EDIL3: variants seen among roughly 807,000 people sequenced by gnomAD.
The protein encoded by EDIL3 is EGF like and discoidin domains 3.
Under a neutral mutation model 67.4 loss-of-function variants are expected in EDIL3, and 37 were observed. The ratio of observed to expected loss-of-function variants is 0.55; its 90% CI spans 0.42 to 0.72. EDIL3 has a LOEUF of 0.72. Ranked by LOEUF, EDIL3 falls within the 30% of genes least tolerant of loss-of-function variation. EDIL3 has a pLI of 0.00. For synonymous variants in EDIL3, 195 were observed against 196.3 expected (o/e 0.99, Z 0.05); for missense variants, 527 against 586.3 (o/e 0.90, Z 1.04).
At chr5:83,954,208 A>G (rs1204107668) in intron 10 of EDIL3, among the ~76,000 whole-genome samples, 1 of 151,758 alleles carries the variant, frequency 6.6e-6, no homozygotes, top group African/African-American at 2.4e-5. Context: ...TTATCATATA[A>G]TAAACAATCA....
Position 83,940,731 on chromosome 5 carries a change from GTTAT to G in EDIL3, c.*2684_*2687del, listed in dbSNP as rs1484138490. The G allele has an allele frequency of 6.6e-6, 1 of 151,898 alleles. No homozygotes were observed. Among genetic ancestry groups the G allele is most frequent in the East Asian group, 1.9e-4 (1 of 5,176 alleles). The allele number at this position is 151,898 out of a possible 1,614,324, so 9.4% of individuals were successfully genotyped here. ...TTACACAGCTTGAAGGTTTGCAAAG[GTTAT>G]TTGTGTCTTAGTTATTTCTGCACTT... On this transcript the variant is annotated 3_prime_UTR_variant, in exon 11 of 11. Transcript: ENST00000296591.
chr5:84,281,049 C>G (rs1745690419), intron 1 of EDIL3, among the ~76,000 whole-genome samples: 1 of 149,994 alleles, frequency 6.7e-6, no homozygotes, highest in Non-Finnish European at 1.5e-5. Flanking sequence ...GCCCTGAGAA[C>G]AGTGGTTGGC....
At chr5:83,978,803 A>C (rs2112146205) in intron 9 of EDIL3, among the ~76,000 whole-genome samples, 1 of 152,204 alleles carries the variant, frequency 6.6e-6, no homozygotes, top group Non-Finnish European at 1.5e-5. Flanking sequence ...CCTTCTTTTC[A>C]CAGTATCCCA....
At chr5:83,946,352 G>A (rs536171413) in intron 10 of EDIL3, among the ~76,000 whole-genome samples, 15 of 152,028 alleles carry the variant, frequency 9.9e-5, no homozygotes, top group African/African-American at 3.6e-4. Context: ...TTGCTTAGAG[G>A]TCTCTCAGGC....
intron 6 of EDIL3, among the ~76,000 whole-genome samples, chr5:84,071,686 C>T (rs1359693635): frequency 1.3e-5 from 2 of 152,184 alleles, no homozygotes; most frequent in Non-Finnish European, 2.9e-5. Context: ...TGAGATTTCT[C>T]ATATTGGGAG....
chr5:84,170,095 G>C (rs1748787545), intron 4 of EDIL3, among the ~76,000 whole-genome samples: 2 of 152,206 alleles, frequency 1.3e-5, no homozygotes, highest in African/African-American at 4.8e-5. Context: ...GTGAGCTTCA[G>C]ATCCTCATGA....
intron 10 of EDIL3, among the ~76,000 whole-genome samples, chr5:83,954,532 C>T (rs1744478358): frequency 6.6e-6 from 1 of 151,694 alleles, no homozygotes; most frequent in Non-Finnish European, 1.5e-5. Context: ...AGCCTTCTCC[C>T]TCCTTGACTT....
intron 1 of EDIL3, among the ~76,000 whole-genome samples, chr5:84,267,396 T>A (rs577445124): frequency 6.4e-4 from 97 of 152,368 alleles, no homozygotes; most frequent in South Asian, 2.5e-3. Flanking sequence ...TATGATAATT[T>A]ATCCTCCTAA....
intron 3 of EDIL3, among the ~76,000 whole-genome samples, chr5:84,207,150 C>T (rs768281895): frequency 1.8e-4 from 27 of 152,178 alleles, no homozygotes; most frequent in Non-Finnish European, 2.6e-4. Flanking sequence ...GAAAACCCCA[C>T]TGTCTCAGCC....
intron 9 of EDIL3, among the ~76,000 whole-genome samples, chr5:83,983,292 C>T (rs1482146281): frequency 1.3e-5 from 2 of 152,108 alleles, no homozygotes; most frequent in Non-Finnish European, 2.9e-5. Context: ...GTAATCTTTG[C>T]ATTTTTAAAA....
At chr5:84,336,208 A>G (rs1305465847) in intron 1 of EDIL3, among the ~76,000 whole-genome samples, 1 of 152,202 alleles carries the variant, frequency 6.6e-6, no homozygotes, top group Non-Finnish European at 1.5e-5. Flanking sequence ...CATTCATGAC[A>G]GTGGAACTAG....
At chr5:84,278,987 C>A (rs995053973) in intron 1 of EDIL3, among the ~76,000 whole-genome samples, 1 of 151,924 alleles carries the variant, frequency 6.6e-6, no homozygotes, top group African/African-American at 2.4e-5. Flanking sequence ...TACTTTTAGC[C>A]TTGTTACCTT....
intron 1 of EDIL3, among the ~76,000 whole-genome samples, chr5:84,383,113 A>G (rs1255802280): frequency 6.6e-6 from 1 of 152,224 alleles, no homozygotes; most frequent in East Asian, 1.9e-4. Flanking sequence ...TACCTTTTTT[A>G]GAGGCACAGC....
intron 6 of EDIL3, among the ~76,000 whole-genome samples, chr5:84,074,089 C>A (rs1468422169): frequency 2.6e-5 from 4 of 151,952 alleles, no homozygotes; most frequent in Middle Eastern, 3.2e-3. Flanking sequence ...GAAAAACAAA[C>A]AATGGGGAAA....
rs564631032 is a variant in EDIL3, at chr5:84,358,663, G to A, written c.67+25645C>T. On this transcript the variant is annotated intron_variant, in intron 1 of 10. Transcript: ENST00000296591. ...CTATCACCCAGGCTGGAGTGCAGTG[G>A]CACAATCTCGGCTCACTGCAAGCTC... Among the ~76,000 whole-genome samples the A allele has an allele frequency of 3.8e-4, 54 of 142,090 alleles. 1 individual carries two copies. The highest frequency in any genetic ancestry group is 1.2e-3 in the African/African-American group (44 of 37,608). 93.2% of individuals were successfully genotyped at this position (142,090 alleles called of 152,430 possible).
chr5:84,072,046 T>C (rs1746748427), intron 6 of EDIL3, among the ~76,000 whole-genome samples: 1 of 152,100 alleles, frequency 6.6e-6, no homozygotes, highest in Non-Finnish European at 1.5e-5. Context: ...CCAAAATAAG[T>C]TCCACAAAAT....
intron 4 of EDIL3, among the ~76,000 whole-genome samples, chr5:84,168,502 G>A (rs532798487): frequency 2.0e-4 from 31 of 152,166 alleles, no homozygotes; most frequent in African/African-American, 7.5e-4. Flanking sequence ...TCTTAATGAT[G>A]CTGTTGAAAG....
intron 1 of EDIL3, among the ~76,000 whole-genome samples, chr5:84,335,589 C>T (rs534256863): frequency 2.6e-5 from 4 of 152,124 alleles, no homozygotes; most frequent in Admixed American, 6.6e-5. Flanking sequence ...AAGAAAACTA[C>T]GTCCCAATTC....
intron 3 of EDIL3, among the ~76,000 whole-genome samples, chr5:84,198,041 A>T (rs1413880346): frequency 1.3e-5 from 2 of 152,040 alleles, no homozygotes; most frequent in East Asian, 3.9e-4. Context: ...AAACATTTTA[A>T]ATACAACTAT....
Sources: allele counts gnomAD v4.1 joint callset (sites outside exome capture counted in the v4.1 genomes callset), GRCh38; gene constraint gnomAD v4.1.1; transcripts MANE v1.5; gene names NCBI Gene and HGNC (gene_info 2026-07-23, HGNC 2026-07-21).